The following SPIRE1 variants were observed in gnomAD, a reference collection of about 807,000 sequenced individuals.
SPIRE1 encodes spire type actin nucleation factor 1, also known as protein spire homolog 1.
In SPIRE1, 40 loss-of-function variants were observed where a neutral mutation model predicts 94.1. The observed-to-expected ratio is 0.43, with a 90% CI of 0.33 to 0.55. The LOEUF (loss-of-function observed/expected upper bound fraction) is 0.55, where lower values mean the gene tolerates loss of function less well. Among genes scored for constraint, SPIRE1 ranks in the 20% least tolerant of loss-of-function variants. The probability of loss-of-function intolerance (pLI) is 0.06; values close to 1 mark genes in which losing one functional copy is unlikely to be tolerated. For missense variants in SPIRE1, 838 were observed against 975.2 expected (o/e 0.86, Z 1.87); for synonymous variants, 376 against 371.7 (o/e 1.01, Z -0.13).
intron 3 of SPIRE1, among the ~76,000 whole-genome samples, chr18:12,541,733 T>C (rs996392687): frequency 6.6e-6 from 1 of 152,170 alleles, no homozygotes; most frequent in Non-Finnish European, 1.5e-5. Context: ...GATTGGATTT[T>C]GTATTTTTAA....
intron 2 of SPIRE1, among the ~76,000 whole-genome samples, chr18:12,596,172 TAGAAA>T (rs2036666436): frequency 6.6e-6 from 1 of 152,108 alleles, no homozygotes; most frequent in African/African-American, 2.4e-5. Context: ...GTGAAATAGC[TAGAAA>T]AGAGGAAGCC....
chr18:12,451,567 A>C (rs2143491748), intron 16 of SPIRE1, among the ~76,000 whole-genome samples: 1 of 152,312 alleles, frequency 6.6e-6, no homozygotes, highest in South Asian at 2.1e-4. Flanking sequence ...AGGCAGCCCA[A>C]GCACAGAGGC....
At chr18:12,570,995 T>C in intron 2 of SPIRE1, among the ~76,000 whole-genome samples, 1 of 152,186 alleles carries the variant, frequency 6.6e-6, no homozygotes, top group Admixed American at 6.5e-5. Flanking sequence ...TGTGTTTCTT[T>C]TTTTTAGCTT....
chr18:12,596,597 T>G (rs2036677527), intron 2 of SPIRE1, among the ~76,000 whole-genome samples: 1 of 152,188 alleles, frequency 6.6e-6, no homozygotes, highest in Non-Finnish European at 1.5e-5. Flanking sequence ...CTGTGAAATT[T>G]CCTCAGAAGG....
At chr18:12,572,489 G>A (rs2035981693) in intron 2 of SPIRE1, among the ~76,000 whole-genome samples, 1 of 152,080 alleles carries the variant, frequency 6.6e-6, no homozygotes, top group Non-Finnish European at 1.5e-5. Flanking sequence ...GCATGCACCT[G>A]TGGTCCCAGC....
At position 12,621,694 on chromosome 18, in the gene SPIRE1, T is replaced by TG. The variant is rs2037473303; in HGVS notation, c.372+13367dup. 3.3e-5 allele frequency among the ~76,000 whole-genome samples: 5 copies of TG among 152,194 alleles called. No homozygotes were observed. In the East Asian group the frequency reaches 9.6e-4, roughly 29 times the overall value. ...ATATAGAAAGTAGATTAGTGATTGC[T>TG]GGGGCTAGGAGGTGATAGCTAAAAG... On this transcript the variant is annotated intron_variant, in intron 2 of 16. Coordinates refer to ENST00000409402, the MANE Select transcript of SPIRE1 (RefSeq NM_001128626.2).
chr18:12,618,630 G>T lies in SPIRE1; in HGVS notation c.372+16432C>A, dbSNP rs373794343. 2.0e-4 allele frequency among the ~76,000 whole-genome samples: 31 copies of T among 151,908 alleles called. No individual in the cohort carries two copies. In the East Asian group the frequency reaches 5.2e-3, roughly 26 times the overall value. On this transcript the variant is annotated intron_variant, in intron 2 of 16. Coordinates refer to ENST00000409402, the MANE Select transcript of SPIRE1 (RefSeq NM_001128626.2). ...TTCTAAAGAGAAAATTATCCTAAAG[G>T]GAAACAAAAACCGCTCCAAATTCAG...
At chr18:12,617,222 C>T (rs1162009933) in intron 2 of SPIRE1, among the ~76,000 whole-genome samples, 1 of 146,114 alleles carries the variant, frequency 6.8e-6, no homozygotes, top group Non-Finnish European at 1.5e-5. Flanking sequence ...TGCAGTGGTG[C>T]GATCTCAGAT....
At chr18:12,562,487 TTTTTG>T (rs2035714789) in intron 2 of SPIRE1, among the ~76,000 whole-genome samples, 1 of 152,020 alleles carries the variant, frequency 6.6e-6, no homozygotes, top group African/African-American at 2.4e-5. Flanking sequence ...TATTTTATAT[TTTTTG>T]TTTTATTTTA....
At chr18:12,480,338 A>G (rs1314408374) in intron 9 of SPIRE1, among the ~76,000 whole-genome samples, 1 of 152,190 alleles carries the variant, frequency 6.6e-6, no homozygotes, top group Non-Finnish European at 1.5e-5. Flanking sequence ...TGTGAACACA[A>G]AAAGTCTGGG....
At chr18:12,596,338 C>A (rs916801443) in intron 2 of SPIRE1, among the ~76,000 whole-genome samples, 2 of 152,174 alleles carry the variant, frequency 1.3e-5, no homozygotes, top group Non-Finnish European at 2.9e-5. Flanking sequence ...AATTTCCTAT[C>A]CTTATTTTGC....
At chr18:12,568,661 C>A (rs1436676334) in intron 2 of SPIRE1, among the ~76,000 whole-genome samples, 2 of 152,210 alleles carry the variant, frequency 1.3e-5, no homozygotes, top group Non-Finnish European at 2.9e-5. Context: ...TATCTTAATT[C>A]TCCAACAAGA....
upstream of SPIRE1, among the ~76,000 whole-genome samples, chr18:12,659,542 C>T (rs559632893): frequency 4.5e-4 from 68 of 152,108 alleles, no homozygotes; most frequent in African/African-American, 1.4e-3. Context: ...TGGTGACGCA[C>T]GCTTGTAATC....
At position 12,544,813 on chromosome 18, in the gene SPIRE1, G is replaced by C. The variant is rs557378261; in HGVS notation, c.603+1861C>G. Among the ~76,000 whole-genome samples the C allele has an allele frequency of 2.0e-5, 3 of 152,280 alleles. No individual in the cohort carries two copies. The East Asian group carries it at 5.8e-4, about 29-fold the overall frequency. On this transcript the variant is annotated intron_variant, in intron 3 of 16. Transcript: ENST00000409402. Reference sequence around the variant, plus strand: ...TAAGATATTTAATGTCATTGAATAAGAATTTTAAAATTCCAATTACTCTCT... The same window carrying C: ...TAAGATATTTAATGTCATTGAATAACAATTTTAAAATTCCAATTACTCTCT...
intron 2 of SPIRE1, among the ~76,000 whole-genome samples, chr18:12,558,129 C>T (rs2035572354): frequency 6.6e-6 from 1 of 152,190 alleles, no homozygotes; most frequent in Admixed American, 6.5e-5. Flanking sequence ...AAGCCGCGGA[C>T]CCTTGCAGTG....
chr18:12,458,816 C>T (rs542469065), intron 12 of SPIRE1, among the ~76,000 whole-genome samples: 3 of 152,178 alleles, frequency 2.0e-5, no homozygotes, highest in African/African-American at 7.2e-5. Flanking sequence ...ACATCTAAAA[C>T]GGGAAAAAGG....
At chr18:12,525,295 A>T (rs1353301504) in intron 4 of SPIRE1, among the ~76,000 whole-genome samples, 5 of 145,862 alleles carry the variant, frequency 3.4e-5, no homozygotes, top group East Asian at 2.0e-4. Flanking sequence ...AAAAAAAAAA[A>T]AAATAATAAT....
At chr18:12,640,202 T>C (rs1294293423) in intron 1 of SPIRE1, among the ~76,000 whole-genome samples, 2 of 152,172 alleles carry the variant, frequency 1.3e-5, no homozygotes, top group Admixed American at 6.6e-5. Flanking sequence ...TGATTCAAAC[T>C]AGCTGAATAA....
chr18:12,647,049 A>C (rs1334951986), intron 1 of SPIRE1, among the ~76,000 whole-genome samples: 2 of 151,968 alleles, frequency 1.3e-5, no homozygotes, highest in East Asian at 3.9e-4. Flanking sequence ...TGACTCAAAA[A>C]AAAAAAAAAA....
Sources: gnomAD v4.1 joint callset for allele counts (sites outside exome capture counted in the v4.1 genomes callset) on GRCh38, gnomAD v4.1.1 for gene constraint, MANE v1.5 for transcripts, NCBI Gene and HGNC (gene_info 2026-07-23, HGNC 2026-07-21) for gene names.